SLC35F3: variants seen among roughly 807,000 people sequenced by gnomAD.
SLC35F3 encodes the protein putative thiamine transporter SLC35F3.
Under a neutral mutation model 49.9 loss-of-function variants are expected in SLC35F3, and 25 were observed. The ratio of observed to expected loss-of-function variants is 0.50; its 90% CI spans 0.37 to 0.70. The LOEUF is 0.70. Ranked by LOEUF, SLC35F3 falls within the 30% of genes least tolerant of loss-of-function variation. The pLI, the probability that SLC35F3 is intolerant of heterozygous loss-of-function variation, is 0.00. For missense variants in SLC35F3, 525 were observed against 639.8 expected (o/e 0.82, Z 1.94); for synonymous variants, 275 against 265.4 (o/e 1.04, Z -0.35).
chr1:234,134,733 TG>T (rs1468144025), intron 2 of SLC35F3, among the ~76,000 whole-genome samples: 1 of 152,068 alleles, frequency 6.6e-6, no homozygotes, highest in African/African-American at 2.4e-5. Flanking sequence ...TTTTTTGGTT[TG>T]TTTTTTTGAG....
rs1053869775 is a variant in SLC35F3, at chr1:234,231,289, G to A, written c.284-128G>A. 12 of 755,072 alleles carry A rather than the reference G, an allele frequency of 1.6e-5. No homozygotes were observed. Among genetic ancestry groups the A allele is most frequent in the Admixed American group, 9.4e-5 (3 of 31,994 alleles). 46.8% of individuals were successfully genotyped at this position (755,072 alleles called of 1,614,324 possible). A position where few individuals can be genotyped will look rare whatever the true frequency, so the allele number is the denominator to read the frequency against. ...CTGTCACACAGCCGCCCTGGAAGCC[G>A]CCCCTGCACCCGCTATCTCCCCGGG... On this transcript the variant is annotated intron_variant, in intron 2 of 7. Coordinates refer to ENST00000366618, the MANE Select transcript of SLC35F3 (RefSeq NM_173508.4). The surrounding 1 kb of genome is among the most constrained non-coding windows in gnomAD (Gnocchi z 5.4).
chr1:234,025,372 T>C (rs183635290), intron 2 of SLC35F3, among the ~76,000 whole-genome samples: 31 of 152,384 alleles, frequency 2.0e-4, no homozygotes, highest in African/African-American at 6.7e-4. Flanking sequence ...AATTCTGTTT[T>C]AAGTTCTTTG....
intron 3 of SLC35F3, among the ~76,000 whole-genome samples, chr1:234,281,086 C>T (rs927917970): frequency 2.2e-5 from 3 of 134,276 alleles, no homozygotes; most frequent in Non-Finnish European, 3.2e-5. Context: ...TTGTGTCCCC[C>T]CCCCATGCTC....
At chr1:234,087,860 C>T (rs1257082064) in intron 2 of SLC35F3, among the ~76,000 whole-genome samples, 1 of 152,216 alleles carries the variant, frequency 6.6e-6, no homozygotes, top group African/African-American at 2.4e-5. Flanking sequence ...TGCCTCAAAA[C>T]TTTAGCACAA....
At chr1:233,996,585 C>A (rs1663465353) in intron 2 of SLC35F3, among the ~76,000 whole-genome samples, 1 of 152,134 alleles carries the variant, frequency 6.6e-6, no homozygotes. Context: ...CACTGGTTGC[C>A]AAACCCTTCC....
intron 2 of SLC35F3, among the ~76,000 whole-genome samples, chr1:234,068,449 A>G (rs1664653015): frequency 6.6e-6 from 1 of 152,158 alleles, no homozygotes; most frequent in South Asian, 2.1e-4. Flanking sequence ...GAAGACTCAC[A>G]TGCTAACAGC....
At chr1:234,220,894 G>A (rs925429265) in intron 2 of SLC35F3, among the ~76,000 whole-genome samples, 1 of 152,192 alleles carries the variant, frequency 6.6e-6, no homozygotes. Flanking sequence ...TGCAAACACA[G>A]GTATGTAGGA....
chr1:234,196,750 G>A (rs569742696), intron 2 of SLC35F3, among the ~76,000 whole-genome samples: 9 of 152,336 alleles, frequency 5.9e-5, no homozygotes, highest in Admixed American at 3.3e-4. Flanking sequence ...GACCAGCCTG[G>A]CCAAGATGGT....
intron 2 of SLC35F3, among the ~76,000 whole-genome samples, chr1:234,045,080 A>T (rs1038823159): frequency 6.6e-6 from 1 of 152,098 alleles, no homozygotes; most frequent in Non-Finnish European, 1.5e-5. Context: ...AACATATATA[A>T]AGCATTTAAA....
chr1:234,019,264 G>A (rs1439232775), intron 2 of SLC35F3, among the ~76,000 whole-genome samples: 1 of 152,210 alleles, frequency 6.6e-6, no homozygotes, highest in Non-Finnish European at 1.5e-5. Context: ...TTGCAGGCTG[G>A]AAGGGGTGAG....
In SLC35F3 at chr1:234,324,177, T is replaced by A. The variant is rs1324215873; in HGVS notation, c.*934T>A. On this transcript the variant is annotated 3_prime_UTR_variant, in exon 8 of 8. Coordinates refer to ENST00000366618, the MANE Select transcript of SLC35F3 (RefSeq NM_173508.4). Reference sequence around the variant, plus strand: ...TTACTTCCTGACCAAGACTGAAAAATTATTTACTGAAATCTGTAAACCTTT... The same window carrying A: ...TTACTTCCTGACCAAGACTGAAAAAATATTTACTGAAATCTGTAAACCTTT... The A allele has an allele frequency of 1.3e-5, 2 of 152,140 alleles. No homozygotes were observed. The highest frequency in any genetic ancestry group is 2.9e-5 in the Non-Finnish European group (2 of 68,032). The allele number at this position is 152,140 out of a possible 1,614,324, so 9.4% of individuals were successfully genotyped here.
At chr1:234,162,174 A>C (rs1181743974) in intron 2 of SLC35F3, among the ~76,000 whole-genome samples, 1 of 149,650 alleles carries the variant, frequency 6.7e-6, no homozygotes, top group East Asian at 2.0e-4. Flanking sequence ...GTGTAGATTC[A>C]TGGTGAAATC....
At chr1:234,204,865 T>C (rs542244067) in intron 2 of SLC35F3, among the ~76,000 whole-genome samples, 2 of 152,264 alleles carry the variant, frequency 1.3e-5, no homozygotes, top group Admixed American at 1.3e-4. Context: ...AGGAACAGGC[T>C]TTGCCTTAAG....
At chr1:233,948,190 G>A (rs12730326) in intron 2 of SLC35F3, among the ~76,000 whole-genome samples, 62 of 94,978 alleles carry the variant, frequency 6.5e-4, no homozygotes, top group South Asian at 2.6e-3. Flanking sequence ...AAGAGGGAGG[G>A]GAGAGAGAGA....
rs145262366 is a variant in SLC35F3, at chr1:234,063,379, A to G, written c.283+157621A>G. On this transcript the variant is annotated intron_variant, in intron 2 of 7. Transcript: ENST00000366618. ...ATAAGTGATTAACTTCTTTTAATCT[A>G]TAACTAAGGTCTGAGTCCTGAAGAC... 6.1e-3 allele frequency among the ~76,000 whole-genome samples: 935 copies of G among 152,326 alleles called. 12 individuals carry two copies. The highest frequency in any genetic ancestry group is 0.021 in the African/African-American group (864 of 41,568).
chr1:234,138,207 G>A (rs917187519), intron 2 of SLC35F3, among the ~76,000 whole-genome samples: 1 of 152,090 alleles, frequency 6.6e-6, no homozygotes, highest in African/African-American at 2.4e-5. Flanking sequence ...AAAATAAATT[G>A]CATATTGTCA....
chr1:234,171,979 C>G (rs1267123907), intron 2 of SLC35F3, among the ~76,000 whole-genome samples: 3 of 152,100 alleles, frequency 2.0e-5, no homozygotes, highest in East Asian at 1.9e-4. Context: ...TTCCCCAACC[C>G]CAGAAACTGA....
At chr1:234,253,589 T>C (rs1667771889) in intron 3 of SLC35F3, among the ~76,000 whole-genome samples, 1 of 152,040 alleles carries the variant, frequency 6.6e-6, no homozygotes, top group Non-Finnish European at 1.5e-5. Flanking sequence ...GTTAAATGCA[T>C]TATGTTGTCA....
intron 2 of SLC35F3, among the ~76,000 whole-genome samples, chr1:233,942,644 G>A (rs1388814066): frequency 2.0e-5 from 3 of 152,046 alleles, no homozygotes; most frequent in Admixed American, 6.6e-5. Context: ...AAACTCCCAG[G>A]CTCAAGCAAT....
Sources: allele counts gnomAD v4.1 joint callset (sites outside exome capture counted in the v4.1 genomes callset), GRCh38; gene constraint gnomAD v4.1.1; non-coding constraint Gnocchi (gnomAD v3.1); transcripts MANE v1.5; gene names NCBI Gene and HGNC (gene_info 2026-07-23, HGNC 2026-07-21).